Variants in NBAS observed in about 807,000 individuals in gnomAD.
NBAS encodes the protein NBAS subunit of NRZ tethering complex.
A neutral mutation model predicts 302.5 loss-of-function variants in NBAS; 219 were observed. The ratio of observed to expected loss-of-function variants is 0.72; its 90% CI spans 0.65 to 0.81. NBAS has a LOEUF of 0.81. Ranked by LOEUF, NBAS falls within the 30% of genes least tolerant of loss-of-function variation. The pLI is 0.00. For missense variants in NBAS, 2,932 were observed against 2,841.6 expected (o/e 1.03, Z -0.72); for synonymous variants, 1,118 against 1,021.6 (o/e 1.09, Z -1.80).
At chr2:15,042,289 GACA>G in the NBAS span, among the ~76,000 whole-genome samples, 1 of 152,202 alleles carries the variant, frequency 6.6e-6, no homozygotes. Context: ...CCCCAAAAGT[GACA>G]ACGTCATGTG....
chr2:15,532,032 G>C (rs1663241195), intron 9 of NBAS, among the ~76,000 whole-genome samples: 1 of 152,160 alleles, frequency 6.6e-6, no homozygotes, highest in Admixed American at 6.5e-5. Flanking sequence ...GGAACAGTAT[G>C]TGGCACAGAG....
At chr2:15,071,235 A>T in the NBAS span, among the ~76,000 whole-genome samples, 13 of 152,134 alleles carry the variant, frequency 8.5e-5, no homozygotes, top group Non-Finnish European at 1.5e-4. Context: ...CCCTTAGGAG[A>T]CTTTCAGGAA....
intron 31 of NBAS, among the ~76,000 whole-genome samples, chr2:15,367,994 A>AT (rs1245813204): frequency 6.6e-6 from 1 of 152,160 alleles, no homozygotes; most frequent in East Asian, 1.9e-4. Context: ...ACACACACAA[A>AT]TACTTATACA....
the NBAS span, among the ~76,000 whole-genome samples, chr2:15,017,545 C>A: frequency 6.6e-6 from 1 of 151,182 alleles, no homozygotes; most frequent in Admixed American, 6.6e-5. Flanking sequence ...AAATGGCCAA[C>A]AAATATATTT....
chr2:15,536,940 G>C (rs749402176), intron 7 of NBAS, among the ~76,000 whole-genome samples: 14 of 152,350 alleles, frequency 9.2e-5, no homozygotes, highest in Non-Finnish European at 1.9e-4. Context: ...GCAGTAGCCT[G>C]CGGTAAAAAA....
chr2:15,520,978 A>T (rs1267010073), intron 9 of NBAS, among the ~76,000 whole-genome samples: 1 of 152,252 alleles, frequency 6.6e-6, no homozygotes, highest in Non-Finnish European at 1.5e-5. Flanking sequence ...TTCAGCATAT[A>T]TAAGTATCTG....
the NBAS span, among the ~76,000 whole-genome samples, chr2:14,904,123 C>A: frequency 6.6e-6 from 1 of 152,184 alleles, no homozygotes; most frequent in Non-Finnish European, 1.5e-5. Flanking sequence ...TCTAAGAGGG[C>A]AAGGGATGTG....
intron 28 of NBAS, among the ~76,000 whole-genome samples, chr2:15,389,847 T>C (rs544098480): frequency 3.9e-5 from 6 of 152,288 alleles, no homozygotes; most frequent in African/African-American, 1.2e-4. Flanking sequence ...CTGAGATGAC[T>C]CTTAAGACTA....
the NBAS span, among the ~76,000 whole-genome samples, chr2:14,969,870 G>T: frequency 2.6e-5 from 4 of 152,120 alleles, no homozygotes; most frequent in African/African-American, 2.4e-5. Context: ...AAGTCAAACT[G>T]GGGAAGGATG....
the NBAS span, among the ~76,000 whole-genome samples, chr2:14,923,701 C>A: frequency 5.3e-5 from 8 of 152,170 alleles, no homozygotes; most frequent in Non-Finnish European, 1.0e-4. Context: ...TAGAAACTTT[C>A]AAGTGGCCTG....
chr2:15,074,494 GA>G, the NBAS span, among the ~76,000 whole-genome samples: 1 of 151,554 alleles, frequency 6.6e-6, no homozygotes, highest in Non-Finnish European at 1.5e-5. Flanking sequence ...ACACAATGAG[GA>G]AAAAATTTTA....
intron 51 of NBAS, among the ~76,000 whole-genome samples, chr2:15,178,675 C>T (rs1046453451): frequency 6.6e-6 from 1 of 152,194 alleles, no homozygotes; most frequent in African/African-American, 2.4e-5. Context: ...AAGAGGACTG[C>T]TAGTTGATGG....
the NBAS span, among the ~76,000 whole-genome samples, chr2:15,014,041 A>C: frequency 6.6e-6 from 1 of 152,098 alleles, no homozygotes; most frequent in African/African-American, 2.4e-5. Context: ...GTCAAAAAAT[A>C]AAAGGAGACA....
chr2:14,991,059 C>T, the NBAS span, among the ~76,000 whole-genome samples: 1 of 152,046 alleles, frequency 6.6e-6, no homozygotes, highest in Non-Finnish European at 1.5e-5. Context: ...TTCATCCATC[C>T]ACAATCTAGA....
chr2:15,435,462 A>G (rs1449974613), intron 21 of NBAS, among the ~76,000 whole-genome samples: 3 of 152,218 alleles, frequency 2.0e-5, no homozygotes, highest in Non-Finnish European at 4.4e-5. Context: ...AGTTGTAAGC[A>G]ATTACATATG....
the NBAS span, among the ~76,000 whole-genome samples, chr2:15,085,910 C>T: frequency 2.0e-5 from 3 of 152,020 alleles, no homozygotes; most frequent in South Asian, 4.2e-4. Flanking sequence ...GGAGGTGCTT[C>T]GGGCAGGTCA....
intron 44 of NBAS, among the ~76,000 whole-genome samples, chr2:15,269,146 C>A (rs897993116): frequency 4.6e-5 from 7 of 152,106 alleles, no homozygotes; most frequent in Non-Finnish European, 1.0e-4. Context: ...ACAGTGACAG[C>A]CACTGGACAC....
chr2:14,908,063 C>T, the NBAS span, among the ~76,000 whole-genome samples: 1 of 152,152 alleles, frequency 6.6e-6, no homozygotes. Flanking sequence ...GGGGTGAGTC[C>T]CATCATTAAA....
intron 40 of NBAS, among the ~76,000 whole-genome samples, chr2:15,294,562 C>T (rs372982831): frequency 6.4e-4 from 97 of 152,296 alleles, no homozygotes; most frequent in African/African-American, 2.2e-3. Flanking sequence ...ACCTCCAGCA[C>T]GTGCACAGCC....
Sources: gnomAD v4.1 joint callset for allele counts (sites outside exome capture counted in the v4.1 genomes callset) on GRCh38, gnomAD v4.1.1 for gene constraint, MANE v1.5 for transcripts, NCBI Gene and HGNC (gene_info 2026-07-23, HGNC 2026-07-21) for gene names.